ROBO1: variants seen among roughly 807,000 people sequenced by gnomAD.
ROBO1 encodes roundabout guidance receptor 1.
ROBO1 carries 149 observed loss-of-function variants against 195.9 expected under a neutral mutation model. The ratio of observed to expected loss-of-function variants is 0.76; its 90% CI spans 0.67 to 0.87. ROBO1 has a LOEUF of 0.87. Among genes scored for constraint, ROBO1 ranks in the 40% least tolerant of loss-of-function variants. The probability of loss-of-function intolerance (pLI) is 0.00; values close to 1 mark genes in which losing one functional copy is unlikely to be tolerated. For missense variants in ROBO1, 1,933 were observed against 2,068.3 expected, an observed-to-expected ratio of 0.93 and a Z score of 1.27; for synonymous variants, 816 against 733.2, an observed-to-expected ratio of 1.11 and a Z score of -1.82.
chr3:79,595,828 C>A (rs903842742), intron 1 of ROBO1, among the ~76,000 whole-genome samples: 3 of 151,232 alleles, frequency 2.0e-5, no homozygotes, highest in South Asian at 2.1e-4. Context: ...GTTGGGATTA[C>A]AAGCATGAGC....
At chr3:79,046,498 C>A (rs1483751017) in intron 3 of ROBO1, among the ~76,000 whole-genome samples, 3 of 151,982 alleles carry the variant, frequency 2.0e-5, no homozygotes, top group Admixed American at 6.6e-5. Flanking sequence ...TAAGTATTAA[C>A]TAACATGATC....
chr3:79,012,811 C>T (rs2077817849), intron 3 of ROBO1, among the ~76,000 whole-genome samples: 1 of 152,098 alleles, frequency 6.6e-6, no homozygotes, highest in African/African-American at 2.4e-5. Context: ...AAAAGCAAAG[C>T]AGTGGAGATC....
chr3:79,370,476 G>A (rs1364903120), intron 2 of ROBO1, among the ~76,000 whole-genome samples: 2 of 151,690 alleles, frequency 1.3e-5, no homozygotes, highest in African/African-American at 2.4e-5. Context: ...TACAACATCC[G>A]TGTGTTTCTG....
intron 8 of ROBO1, 92 bp from the exon 9 acceptor site, chr3:78,688,864 T>G: frequency 8.0e-7 from 1 of 1,254,832 alleles, no homozygotes; most frequent in Non-Finnish European, 1.1e-6. Context: ...GCTGCTGTTA[T>G]TTTATACAAC....
intron 4 of ROBO1, among the ~76,000 whole-genome samples, chr3:78,926,223 C>T (rs2039214220): frequency 6.6e-6 from 1 of 152,076 alleles, no homozygotes; most frequent in Admixed American, 6.6e-5. Flanking sequence ...GGCCACAATG[C>T]TGGGGTCATA....
intron 3 of ROBO1, among the ~76,000 whole-genome samples, chr3:79,076,568 T>TTC (rs1434872230): frequency 1.3e-5 from 2 of 151,692 alleles, no homozygotes; most frequent in Non-Finnish European, 2.9e-5. Flanking sequence ...CTCATATTTT[T>TTC]TCATGATTTT....
intron 1 of ROBO1, among the ~76,000 whole-genome samples, chr3:79,621,823 G>A (rs950892021): frequency 8.6e-5 from 13 of 152,016 alleles, no homozygotes; most frequent in African/African-American, 2.9e-4. Context: ...TAAATGAAAG[G>A]CTCATAGATT....
At chr3:78,929,850 T>C (rs1470561) in intron 4 of ROBO1, among the ~76,000 whole-genome samples, 8,697 of 152,004 alleles carry the variant, frequency 0.057, 770 homozygotes, top group African/African-American at 0.19. Context: ...ATCCTCTTCA[T>C]GGTCTATTAA....
chr3:78,617,290 T>C (rs1032933325), intron 27 of ROBO1, among the ~76,000 whole-genome samples: 5 of 152,162 alleles, frequency 3.3e-5, no homozygotes, highest in African/African-American at 1.2e-4. Flanking sequence ...ACAAACTTCA[T>C]CTAATTGACT....
intron 2 of ROBO1, among the ~76,000 whole-genome samples, chr3:79,412,995 T>C (rs948596581): frequency 6.9e-6 from 1 of 145,842 alleles, no homozygotes; most frequent in African/African-American, 2.5e-5. Context: ...GGAACTATAC[T>C]AGAACAACAT....
intron 8 of ROBO1, among the ~76,000 whole-genome samples, chr3:78,693,942 T>G (rs2081232141): frequency 1.3e-5 from 2 of 152,138 alleles, no homozygotes; most frequent in Admixed American, 6.5e-5. Context: ...ACTGGAGATT[T>G]TGCATTTTTA....
At chr3:79,312,422 C>G (rs528402833) in intron 2 of ROBO1, among the ~76,000 whole-genome samples, 16 of 152,250 alleles carry the variant, frequency 1.1e-4, no homozygotes, top group African/African-American at 3.4e-4. Context: ...AAAGAAATAT[C>G]AAATTTTGAG....
chr3:79,371,244 C>A (rs1236663876), intron 2 of ROBO1, among the ~76,000 whole-genome samples: 1 of 151,986 alleles, frequency 6.6e-6, no homozygotes, highest in African/African-American at 2.4e-5. Flanking sequence ...TGGTTCTGGA[C>A]CCTGGAGGAA....
At chr3:79,583,834 A>G (rs1943733096) in intron 2 of ROBO1, among the ~76,000 whole-genome samples, 1 of 152,026 alleles carries the variant, frequency 6.6e-6, no homozygotes, top group Admixed American at 6.6e-5. Flanking sequence ...ATAGCTGGTC[A>G]TCATATAAAA....
chr3:78,657,936 A>T (rs79165215), intron 17 of ROBO1, among the ~76,000 whole-genome samples: 99 of 152,348 alleles, frequency 6.5e-4, no homozygotes, highest in African/African-American at 2.3e-3. Flanking sequence ...GGTACACTGA[A>T]CTATATTATC....
chr3:79,427,020 A>G (rs976698077), intron 2 of ROBO1, among the ~76,000 whole-genome samples: 1 of 152,180 alleles, frequency 6.6e-6, no homozygotes, highest in African/African-American at 2.4e-5. Flanking sequence ...AAAAATGGCC[A>G]TATTCTATTA....
At chr3:79,647,331 G>A (rs1226899930) in intron 1 of ROBO1, among the ~76,000 whole-genome samples, 1 of 152,074 alleles carries the variant, frequency 6.6e-6, no homozygotes, top group Non-Finnish European at 1.5e-5. Flanking sequence ...ATTAGATAGT[G>A]TATAAGTAGG....
At chr3:79,677,835 G>A (rs145895813) in intron 1 of ROBO1, among the ~76,000 whole-genome samples, 1 of 152,198 alleles carries the variant, frequency 6.6e-6, no homozygotes, top group Non-Finnish European at 1.5e-5. Flanking sequence ...TGAGAACATA[G>A]CCAGGCCAAT....
rs564469859 is a variant in ROBO1 at position 79,673,314 on chromosome 3, A to G, written c.-50-83353T>C. On this transcript the variant is annotated intron_variant, in intron 1 of 30. Transcript: ENST00000464233. ...CTTGAGGGTAAAACATGAATGTTTT[A>G]TATGTGTGTGGGTGTGGGTGTGTGA... Among the ~76,000 whole-genome samples the G allele has an allele frequency of 4.5e-3, 687 of 152,014 alleles. 6 individuals are homozygous for G. Among genetic ancestry groups the G allele is most frequent in the African/African-American group, 0.016 (654 of 41,506 alleles).
Sources: allele counts gnomAD v4.1 joint callset (sites outside exome capture counted in the v4.1 genomes callset), GRCh38; gene constraint gnomAD v4.1.1; transcripts MANE v1.5; gene names NCBI Gene and HGNC (gene_info 2026-07-23, HGNC 2026-07-21).